THSD7B: variants seen among roughly 807,000 people sequenced by gnomAD.
THSD7B encodes the protein thrombospondin type 1 domain containing 7B.
THSD7B carries 138 observed loss-of-function variants against 213.6 expected under a neutral mutation model. That is an observed-to-expected ratio of 0.65 (90% CI 0.56 to 0.74). The LOEUF (loss-of-function observed/expected upper bound fraction) is 0.74. Ranked by LOEUF, THSD7B falls within the 30% of genes least tolerant of loss-of-function variation. THSD7B has a pLI of 0.00. For missense variants in THSD7B, 1,931 were observed against 1,991.5 expected (o/e 0.97, Z 0.58); for synonymous variants, 742 against 687.0 (o/e 1.08, Z -1.25).
intron 20 of THSD7B, among the ~76,000 whole-genome samples, chr2:137,633,072 T>C (rs1355987973): frequency 6.6e-6 from 1 of 152,186 alleles, no homozygotes; most frequent in Non-Finnish European, 1.5e-5. Flanking sequence ...ATCAGGACTG[T>C]AATTTTCCTC....
chr2:137,092,516 G>A (rs994054416), intron 3 of THSD7B, among the ~76,000 whole-genome samples: 1 of 152,076 alleles, frequency 6.6e-6, no homozygotes, highest in African/African-American at 2.4e-5. Context: ...TTAATGGGGG[G>A]TATAAATATG....
At chr2:136,799,203 C>A (rs2710181) in intron 1 of THSD7B, among the ~76,000 whole-genome samples, 2,322 of 151,914 alleles carry the variant, frequency 0.015, 66 homozygotes, top group African/African-American at 0.053. Context: ...GTTGGCTGGC[C>A]ATGGGATTTT....
chr2:137,181,343 T>C (rs1014100074), intron 7 of THSD7B, among the ~76,000 whole-genome samples: 2 of 152,090 alleles, frequency 1.3e-5, no homozygotes, highest in African/African-American at 2.4e-5. Context: ...GTAAGTTTAG[T>C]AAAAAACAAG....
intron 1 of THSD7B, among the ~76,000 whole-genome samples, chr2:136,814,205 G>T (rs554302347): frequency 1.3e-5 from 2 of 152,282 alleles, no homozygotes; most frequent in East Asian, 3.9e-4. Context: ...AAATTCCCAT[G>T]TAAAATGAAA....
At chr2:136,986,848 G>A (rs1041419746) in intron 2 of THSD7B, among the ~76,000 whole-genome samples, 1 of 152,176 alleles carries the variant, frequency 6.6e-6, no homozygotes, top group African/African-American at 2.4e-5. Flanking sequence ...TGGTAAGAAT[G>A]TATAACTGTA....
intron 2 of THSD7B, among the ~76,000 whole-genome samples, chr2:136,994,470 GGC>G (rs1206228577): frequency 6.6e-6 from 1 of 152,154 alleles, no homozygotes; most frequent in African/African-American, 2.4e-5. Context: ...GGGAGGCTGA[GGC>G]AGGAGAATGG....
chr2:137,677,338 A>C lies in THSD7B; in HGVS notation c.*733A>C, dbSNP rs1475569324. 1 of 152,492 alleles carries C rather than the reference A, an allele frequency of 6.6e-6. No homozygotes were observed. Among genetic ancestry groups the C allele is most frequent in the Non-Finnish European group, 1.5e-5 (1 of 68,048 alleles). 9.4% of individuals were successfully genotyped at this position (152,492 alleles called of 1,614,324 possible). ...ATGAAATATGTGGTTAAATTGGAGA[A>C]TGAGGTAGATTATTTGATTACTAAA... On this transcript the variant is annotated 3_prime_UTR_variant, in exon 28 of 28. Transcript: ENST00000409968.
chr2:137,358,462 C>CAT (rs1558768865), intron 12 of THSD7B, among the ~76,000 whole-genome samples: 8 of 152,158 alleles, frequency 5.3e-5, no homozygotes, highest in Non-Finnish European at 1.5e-5. Flanking sequence ...TACACCTACT[C>CAT]AGAGGACCGA....
intron 2 of THSD7B, among the ~76,000 whole-genome samples, chr2:136,959,212 T>A (rs1307392012): frequency 6.6e-6 from 1 of 152,226 alleles, no homozygotes; most frequent in African/African-American, 2.4e-5. Flanking sequence ...TCATTATACT[T>A]GCTTAATAAT....
chr2:137,297,187 G>A (rs575491575), intron 12 of THSD7B, among the ~76,000 whole-genome samples: 3 of 148,752 alleles, frequency 2.0e-5, no homozygotes, highest in African/African-American at 7.5e-5. Flanking sequence ...AGGGAGCTGA[G>A]GCAGGAGAAG....
At chr2:137,157,203 G>A (rs1289859482) in intron 5 of THSD7B, among the ~76,000 whole-genome samples, 3 of 152,182 alleles carry the variant, frequency 2.0e-5, no homozygotes, top group Admixed American at 2.0e-4. Context: ...ATATGAAGCA[G>A]ATTTATTACT....
intron 10 of THSD7B, among the ~76,000 whole-genome samples, chr2:137,247,214 C>G (rs1182574367): frequency 6.6e-6 from 1 of 152,104 alleles, no homozygotes. Context: ...ATCAGAGAAC[C>G]TTTAAAGAGC....
At chr2:136,997,706 G>T (rs921947971) in intron 2 of THSD7B, among the ~76,000 whole-genome samples, 3 of 152,148 alleles carry the variant, frequency 2.0e-5, no homozygotes, top group African/African-American at 7.2e-5. Flanking sequence ...TTATTGGAAA[G>T]TGAAAACAAA....
intron 1 of THSD7B, among the ~76,000 whole-genome samples, chr2:136,791,790 G>C (rs1368293049): frequency 1.3e-5 from 2 of 151,928 alleles, no homozygotes; most frequent in Non-Finnish European, 2.9e-5. Context: ...TTTGTCAGTT[G>C]GTGAACATTT....
At chr2:137,073,453 C>T (rs951457055) in intron 3 of THSD7B, among the ~76,000 whole-genome samples, 2 of 150,034 alleles carry the variant, frequency 1.3e-5, no homozygotes, top group Non-Finnish European at 3.0e-5. Flanking sequence ...TGGTGATATC[C>T]ATTGCATCTA....
chr2:137,667,241 G>T (rs1489474435), intron 26 of THSD7B, among the ~76,000 whole-genome samples: 1 of 152,068 alleles, frequency 6.6e-6, no homozygotes, highest in Non-Finnish European at 1.5e-5. Flanking sequence ...AAATTTGATT[G>T]ACTATCTTAC....
intron 15 of THSD7B, among the ~76,000 whole-genome samples, chr2:137,551,308 T>C (rs905711381): frequency 1.3e-4 from 20 of 152,150 alleles, no homozygotes; most frequent in African/African-American, 3.9e-4. Context: ...TTAGTCAGCC[T>C]GAATTGGGAA....
At chr2:137,519,985 A>G (rs986962695) in intron 15 of THSD7B, among the ~76,000 whole-genome samples, 6 of 152,244 alleles carry the variant, frequency 3.9e-5, no homozygotes, top group African/African-American at 9.6e-5. Flanking sequence ...AGCTAAACAC[A>G]TGAAGACGAA....
Position 137,677,627 on chromosome 2 carries a change from ATTGT to A in THSD7B, c.*1027_*1030del, listed in dbSNP as rs968697148. The A allele has an allele frequency of 1.3e-5, 2 of 152,642 alleles. No homozygotes were observed. Among genetic ancestry groups the A allele is most frequent in the Admixed American group, 6.5e-5 (1 of 15,286 alleles). 9.5% of individuals were successfully genotyped at this position (152,642 alleles called of 1,614,324 possible). A position where few individuals can be genotyped will look rare whatever the true frequency, so the allele number is the denominator to read the frequency against. On this transcript the variant is annotated 3_prime_UTR_variant, in exon 28 of 28. Coordinates refer to ENST00000409968, the MANE Select transcript of THSD7B (RefSeq NM_001316349.2). Reference sequence around the variant, plus strand: ...AAGCTGAGACCATTTTATGAAGATAATTGTTTGTAATCATAGGTGTTGAAAGTAA... The same window carrying A: ...AAGCTGAGACCATTTTATGAAGATAATTGTAATCATAGGTGTTGAAAGTAA...
Sources: allele counts gnomAD v4.1 joint callset (sites outside exome capture counted in the v4.1 genomes callset), GRCh38; gene constraint gnomAD v4.1.1; transcripts MANE v1.5; gene names NCBI Gene and HGNC (gene_info 2026-07-23, HGNC 2026-07-21).